The following SOX6 variants were observed in gnomAD, a reference collection of about 807,000 sequenced individuals.
SOX6 encodes transcription factor SOX-6.
A neutral mutation model predicts 97.8 loss-of-function variants in SOX6; 11 were observed. The observed-to-expected ratio is 0.11, with a 90% confidence interval of 0.07 to 0.19. SOX6 has a LOEUF of 0.19. Ranked by LOEUF, SOX6 falls within the 10% of genes least tolerant of loss-of-function variation. The pLI, the probability that SOX6 is intolerant of heterozygous loss-of-function variation, is 1.00. For synonymous variants in SOX6, 360 were observed against 371.4 expected (o/e 0.97, Z 0.35); for missense variants, 810 against 1,039.5 (o/e 0.78, Z 3.04).
At chr11:16,375,826 T>C (rs1446682163) in intron 1 of SOX6, among the ~76,000 whole-genome samples, 2 of 151,994 alleles carry the variant, frequency 1.3e-5, no homozygotes, top group Non-Finnish European at 2.9e-5. Flanking sequence ...ATGTGGCACA[T>C]ATACACCATG....
chr11:16,648,313 AC>A lies in SOX6; in HGVS notation n.430-36054del, dbSNP rs556816589. Reference sequence around the variant, plus strand: ...ACATAACCCCATTTACCAGAGAATCACCCCCCAACCCTCACAGTGGCCATGG... The same window carrying A: ...ACATAACCCCATTTACCAGAGAATCACCCCCAACCCTCACAGTGGCCATGG... On this transcript the variant is annotated intron_variant and non_coding_transcript_variant, in intron 3 of 5. Transcript: ENST00000524520. 4.4e-3 allele frequency among the ~76,000 whole-genome samples: 672 copies of A among 151,220 alleles called. 4 individuals are homozygous for A. Among genetic ancestry groups the A allele is most frequent in the African/African-American group, 0.016 (650 of 41,132 alleles).
At chr11:16,119,610 A>G (rs1172027701) in intron 6 of SOX6, among the ~76,000 whole-genome samples, 2 of 152,196 alleles carry the variant, frequency 1.3e-5, no homozygotes, top group African/African-American at 2.4e-5. Flanking sequence ...ACAGGCCTAA[A>G]AACACAGTAA....
At chr11:16,692,297 A>C (rs1258854395) in intron 3 of SOX6, among the ~76,000 whole-genome samples, 3 of 151,936 alleles carry the variant, frequency 2.0e-5, no homozygotes, top group Admixed American at 6.6e-5. Context: ...TGATCCACCC[A>C]CCTCGGCCTT....
chr11:16,114,147 A>G (rs955102196), intron 6 of SOX6, among the ~76,000 whole-genome samples: 1 of 152,224 alleles, frequency 6.6e-6, no homozygotes, highest in Non-Finnish European at 1.5e-5. Flanking sequence ...GAGCCTTTCC[A>G]ACTTTATAAT....
chr11:16,142,690 A>G (rs991508070), intron 6 of SOX6, among the ~76,000 whole-genome samples: 1 of 152,208 alleles, frequency 6.6e-6, no homozygotes, highest in Non-Finnish European at 1.5e-5. Flanking sequence ...TGGCATGAGA[A>G]CTACGTGACG....
At chr11:16,278,178 G>T (rs1251547722) in intron 3 of SOX6, among the ~76,000 whole-genome samples, 1 of 151,950 alleles carries the variant, frequency 6.6e-6, no homozygotes, top group Non-Finnish European at 1.5e-5. Context: ...CTACTATTTA[G>T]CCTAGCTTAC....
chr11:16,095,485 T>A (rs547741056), intron 9 of SOX6, among the ~76,000 whole-genome samples: 5 of 151,754 alleles, frequency 3.3e-5, no homozygotes, highest in Non-Finnish European at 5.9e-5. Flanking sequence ...CTGAGAAAAC[T>A]GAGTACGTAG....
chr11:16,224,183 T>A (rs756333667), intron 4 of SOX6, among the ~76,000 whole-genome samples: 25 of 152,076 alleles, frequency 1.6e-4, no homozygotes, highest in Admixed American at 5.9e-4. Flanking sequence ...TTTACACTTT[T>A]AATTATAATA....
chr11:16,236,885 T>C (rs1235061363), intron 3 of SOX6, among the ~76,000 whole-genome samples: 1 of 151,994 alleles, frequency 6.6e-6, no homozygotes, highest in East Asian at 1.9e-4. Flanking sequence ...ATTAATAAAA[T>C]GGCTAATAAC....
intron 9 of SOX6, among the ~76,000 whole-genome samples, chr11:16,067,638 T>G (rs1848124624): frequency 6.6e-6 from 1 of 152,214 alleles, no homozygotes; most frequent in Admixed American, 6.5e-5. Flanking sequence ...ATAATTTAAA[T>G]GTACATTTTA....
intron 12 of SOX6, among the ~76,000 whole-genome samples, chr11:16,017,279 T>A (rs1854915331): frequency 6.6e-6 from 1 of 152,082 alleles, no homozygotes; most frequent in African/African-American, 2.4e-5. Context: ...AAAAAAAATC[T>A]TCTGCAGAGA....
intron 6 of SOX6, among the ~76,000 whole-genome samples, chr11:16,149,606 T>C (rs942475215): frequency 6.6e-6 from 1 of 152,104 alleles, no homozygotes; most frequent in African/African-American, 2.4e-5. Flanking sequence ...GGGACAAAAC[T>C]GGAAAAGGGA....
At chr11:16,006,843 G>C (rs1395579573) in intron 13 of SOX6, among the ~76,000 whole-genome samples, 1 of 151,980 alleles carries the variant, frequency 6.6e-6, no homozygotes, top group Admixed American at 6.6e-5. Context: ...TAACAGTATG[G>C]TGTTATGAGA....
intron 4 of SOX6, among the ~76,000 whole-genome samples, chr11:16,193,730 A>C (rs1017243064): frequency 9.8e-5 from 15 of 152,334 alleles, no homozygotes; most frequent in Admixed American, 2.6e-4. Context: ...TCAGCCAACA[A>C]TCCAGAAAGA....
rs1305952557 is a variant in SOX6 at position 15,970,400 on chromosome 11, T to C, written c.*2409A>G. 6.6e-6 allele frequency: 1 copy of C among 152,148 alleles called. No individual in the cohort carries two copies. Among genetic ancestry groups the C allele is most frequent in the East Asian group, 1.9e-4 (1 of 5,172 alleles). The allele number at this position is 152,148 out of a possible 1,614,324, so 9.4% of individuals were successfully genotyped here. A position where few individuals can be genotyped will look rare whatever the true frequency, so the allele number is the denominator to read the frequency against. On this transcript the variant is annotated 3_prime_UTR_variant, in exon 16 of 16. Transcript: ENST00000683767. ...TTTGTGCAAAATTAATTACATACAA[T>C]ACAATGCTAGCCATACAACACTCTA... is the stretch of plus-strand genomic sequence containing the variant.
Position 16,125,118 on chromosome 11 carries a change from C to T in SOX6, c.778-13195G>A, listed in dbSNP as rs144710357. Reference sequence around the variant, plus strand: ...CTAAAATATGATCTTTCTAGTGATTCCATATAAGATAGAAGCACATCATTT... The same window carrying T: ...CTAAAATATGATCTTTCTAGTGATTTCATATAAGATAGAAGCACATCATTT... On this transcript the variant is annotated intron_variant, in intron 6 of 15. Transcript: ENST00000683767. 5.8e-3 allele frequency among the ~76,000 whole-genome samples: 876 copies of T among 152,038 alleles called. 2 individuals carry two copies. The highest frequency in any genetic ancestry group is 0.024 in the Middle Eastern group (7 of 294).
intron 3 of SOX6, among the ~76,000 whole-genome samples, chr11:16,640,353 A>T (rs1242218259): frequency 2.0e-5 from 3 of 152,134 alleles, no homozygotes; most frequent in Non-Finnish European, 4.4e-5. Context: ...TTCATCAGGG[A>T]TATTGGTCTA....
At chr11:16,678,815 G>A (rs753912374) in intron 3 of SOX6, among the ~76,000 whole-genome samples, 2 of 152,132 alleles carry the variant, frequency 1.3e-5, no homozygotes, top group African/African-American at 2.4e-5. Context: ...TGCCTGGCTC[G>A]GTGGGTCCCA....
chr11:16,590,511 C>G (rs1589997657), intron 4 of SOX6, among the ~76,000 whole-genome samples: 1 of 152,012 alleles, frequency 6.6e-6, no homozygotes, highest in East Asian at 1.9e-4. Context: ...AATGTTGAAG[C>G]CCAGTGCTAC....
Sources: allele counts gnomAD v4.1 joint callset (sites outside exome capture counted in the v4.1 genomes callset), GRCh38; gene constraint gnomAD v4.1.1; transcripts MANE v1.5; gene names NCBI Gene and HGNC (gene_info 2026-07-23, HGNC 2026-07-21).